DIAPH2: variants seen among roughly 807,000 people sequenced by gnomAD.
DIAPH2 encodes the protein diaphanous related formin 2, also known as protein diaphanous homolog 2.
In DIAPH2, 35 loss-of-function variants were observed where a neutral mutation model predicts 92.7. The ratio of observed to expected loss-of-function variants is 0.38; its 90% CI spans 0.29 to 0.50. DIAPH2 has a LOEUF of 0.50. Among genes scored for constraint, DIAPH2 ranks in the 20% least tolerant of loss-of-function variants. The pLI is 0.94. For synonymous variants in DIAPH2, 301 were observed against 280.4 expected (o/e 1.07, Z -0.73); for missense variants, 701 against 819.5 (o/e 0.86, Z 1.77).
At chrX:97,497,039 T>C (rs1339448863) in intron 26 of DIAPH2, among the ~76,000 whole-genome samples, 1 of 111,093 alleles carries the variant, frequency 9.0e-6, no homozygotes, top group Non-Finnish European at 1.9e-5. Context: ...AAGAAAACAC[T>C]ATCCTAATCA....
At chrX:97,443,649 C>G (rs1346790578) in intron 26 of DIAPH2, among the ~76,000 whole-genome samples, 5 of 111,994 alleles carry the variant, frequency 4.5e-5, no homozygotes, top group African/African-American at 1.6e-4. Context: ...CTCGCATGTC[C>G]TATGTATGTT....
intron 26 of DIAPH2, among the ~76,000 whole-genome samples, chrX:97,520,868 A>G (rs932923514): frequency 1.8e-5 from 2 of 112,269 alleles, no homozygotes; most frequent in Non-Finnish European, 1.9e-5. Flanking sequence ...TTTAGAGATG[A>G]TCCAAGAACG....
At chrX:96,925,149 A>G (rs1433337278) in intron 9 of DIAPH2, among the ~76,000 whole-genome samples, 1 of 110,030 alleles carries the variant, frequency 9.1e-6, no homozygotes, top group Admixed American at 9.7e-5. Context: ...TCTTTATCTG[A>G]TCTCTTCTCT....
At chrX:97,058,317 C>CTT (rs1466179910) in intron 17 of DIAPH2, among the ~76,000 whole-genome samples, 1 of 111,443 alleles carries the variant, frequency 9.0e-6, no homozygotes, top group African/African-American at 3.3e-5. Flanking sequence ...ATATAGTTAT[C>CTT]TTTCCTACTA....
chrX:97,109,347 G>A lies in DIAPH2; in HGVS notation c.2350-5379G>A, dbSNP rs185106235. Among the ~76,000 whole-genome samples, 181 of 111,171 alleles carry A rather than the reference G, an allele frequency of 1.6e-3. 1 individual carries two copies. The highest frequency in any genetic ancestry group is 2.2e-3 in the Non-Finnish European group (117 of 52,990). ...GAGGTGGGAAGATCGCCTGAGCCCCGGGAAGTCAAGGTTGCAGTGAGCTGT... is the reference window on the plus strand; with the variant it reads ...GAGGTGGGAAGATCGCCTGAGCCCCAGGAAGTCAAGGTTGCAGTGAGCTGT... On this transcript the variant is annotated intron_variant, in intron 20 of 26. Transcript: ENST00000324765.
intron 1 of DIAPH2, among the ~76,000 whole-genome samples, chrX:96,719,133 T>C (rs2063973990): frequency 6.8e-5 from 1 of 14,628 alleles, no homozygotes; most frequent in Non-Finnish European, 1.3e-4. Flanking sequence ...ATTATTAGAT[T>C]TTTTTCTCTA....
chrX:96,999,498 CA>C (rs756579556), intron 17 of DIAPH2, among the ~76,000 whole-genome samples: 1,444 of 47,303 alleles, frequency 0.031, 24 homozygotes, highest in African/African-American at 0.094. Flanking sequence ...GAGACTGTCT[CA>C]AAAAAAAAAA....
At chrX:96,773,803 C>T (rs1055858075) in intron 4 of DIAPH2, among the ~76,000 whole-genome samples, 2 of 111,176 alleles carry the variant, frequency 1.8e-5, no homozygotes, top group African/African-American at 3.3e-5. Context: ...GCTGAGATCG[C>T]GCCTCTGCAC....
chrX:97,008,023 A>G (rs1221874572), intron 17 of DIAPH2, among the ~76,000 whole-genome samples: 1 of 100,849 alleles, frequency 9.9e-6, no homozygotes, highest in African/African-American at 3.7e-5. Context: ...TGGCCTCCCA[A>G]AGTGCTGGGA....
intron 16 of DIAPH2, among the ~76,000 whole-genome samples, chrX:96,962,332 TATATAC>T (rs1274546795): frequency 1.3e-4 from 6 of 47,182 alleles, no homozygotes; most frequent in Non-Finnish European, 1.8e-4. Flanking sequence ...TACACATATA[TATATAC>T]ATATATATAT....
At chrX:97,260,983 T>C (rs1447696310) in intron 23 of DIAPH2, among the ~76,000 whole-genome samples, 3 of 112,501 alleles carry the variant, frequency 2.7e-5, no homozygotes, top group African/African-American at 9.7e-5. Context: ...AAAAATGAAA[T>C]GCAACTGCCA....
chrX:96,942,958 A>G (rs1357023701), intron 13 of DIAPH2, among the ~76,000 whole-genome samples: 1 of 111,932 alleles, frequency 8.9e-6, no homozygotes, highest in Non-Finnish European at 1.9e-5. Context: ...ACATTCAAAG[A>G]TGGATAACTT....
chrX:97,496,654 A>AT (rs531696953), intron 26 of DIAPH2, among the ~76,000 whole-genome samples: 33,764 of 81,511 alleles, frequency 0.41, 6,729 homozygotes, highest in East Asian at 0.51. Flanking sequence ...CCTGAATTAG[A>AT]TTTTTTTTTT....
At chrX:96,938,247 A>G (rs1299497773) in intron 11 of DIAPH2, among the ~76,000 whole-genome samples, 2 of 111,860 alleles carry the variant, frequency 1.8e-5, no homozygotes, top group Admixed American at 1.9e-4. Flanking sequence ...AAAGTCTTAC[A>G]CATAGGTATT....
intron 23 of DIAPH2, among the ~76,000 whole-genome samples, chrX:97,301,030 G>A (rs1175998717): frequency 2.1e-5 from 2 of 96,977 alleles, no homozygotes; most frequent in African/African-American, 7.5e-5. Context: ...TTGGCCGGGC[G>A]CAGTGGCTCA....
chrX:97,142,942 G>A (rs1202829445), intron 22 of DIAPH2, among the ~76,000 whole-genome samples: 2 of 111,511 alleles, frequency 1.8e-5, no homozygotes, highest in Non-Finnish European at 3.8e-5. Context: ...GAATAACATT[G>A]TGCAGTGGTC....
chrX:97,101,478 C>G (rs2066905494), intron 20 of DIAPH2, among the ~76,000 whole-genome samples: 1 of 110,236 alleles, frequency 9.1e-6, no homozygotes, highest in Non-Finnish European at 1.9e-5. Context: ...TAACCTAGTC[C>G]CCGTATTTAC....
chrX:97,060,996 G>GCACA (rs10636024), intron 17 of DIAPH2, among the ~76,000 whole-genome samples: 36 of 109,304 alleles, frequency 3.3e-4, no homozygotes, highest in African/African-American at 8.0e-4. Context: ...ACGTGCGCAT[G>GCACA]CACACACACA....
intron 4 of DIAPH2, among the ~76,000 whole-genome samples, chrX:96,858,342 T>G (rs2065052901): frequency 8.9e-6 from 1 of 112,038 alleles, no homozygotes; most frequent in South Asian, 3.8e-4. Context: ...TTTTAGAACT[T>G]GGTTGAACCT....
Sources: gnomAD v4.1 joint callset for allele counts (sites outside exome capture counted in the v4.1 genomes callset) on GRCh38, gnomAD v4.1.1 for gene constraint, MANE v1.5 for transcripts, NCBI Gene and HGNC (gene_info 2026-07-23, HGNC 2026-07-21) for gene names.